PTPN12: variants seen among roughly 807,000 people sequenced by gnomAD.
The protein encoded by PTPN12 is tyrosine-protein phosphatase non-receptor type 12.
A neutral mutation model predicts 97.6 loss-of-function variants in PTPN12; 29 were observed. That is an observed-to-expected ratio of 0.30 (90% CI 0.22 to 0.41). The LOEUF is 0.41. Ranked by LOEUF, PTPN12 falls within the 10% of genes least tolerant of loss-of-function variation. The probability of loss-of-function intolerance (pLI) is 1.00; values close to 1 mark genes in which losing one functional copy is unlikely to be tolerated. For synonymous variants in PTPN12, 327 were observed against 300.4 expected, an observed-to-expected ratio of 1.09 and a Z score of -0.91; for missense variants, 819 against 926.0, an observed-to-expected ratio of 0.88 and a Z score of 1.50.
intron 2 of PTPN12, among the ~76,000 whole-genome samples, chr7:77,580,784 T>G (rs1787489043): frequency 6.6e-6 from 1 of 152,196 alleles, no homozygotes; most frequent in African/African-American, 2.4e-5. Context: ...TTGTTATAAT[T>G]TGCTTTTTAT....
At chr7:77,625,550 T>A (rs1364337809) in intron 12 of PTPN12, among the ~76,000 whole-genome samples, 2 of 93,178 alleles carry the variant, frequency 2.1e-5, no homozygotes, top group South Asian at 3.8e-4. Flanking sequence ...GCGCTCTCTC[T>A]CTCGCTCTCT....
chr7:77,578,583 T>G (rs1787411233), intron 2 of PTPN12, among the ~76,000 whole-genome samples: 1 of 152,206 alleles, frequency 6.6e-6, no homozygotes, highest in South Asian at 2.1e-4. Context: ...GGGCCTTTAG[T>G]GCTATGTATA....
chr7:77,609,612 G>A (rs1379899410), intron 9 of PTPN12, among the ~76,000 whole-genome samples: 2 of 151,808 alleles, frequency 1.3e-5, no homozygotes, highest in East Asian at 2.0e-4. Context: ...TGGGCGCGGT[G>A]GCTCACGCCT....
At chr7:77,586,829 TATTCCATCTCAAGAAAGTAG>T (rs1206196286) in intron 5 of PTPN12, among the ~76,000 whole-genome samples, 1 of 152,244 alleles carries the variant, frequency 6.6e-6, no homozygotes, top group Non-Finnish European at 1.5e-5. Flanking sequence ...ACCAAAAGTA[TATTCCATCTCAAGAAAGTAG>T]ATTCCATCTC....
chr7:77,548,838 CCT>C (rs1420600428), intron 1 of PTPN12, among the ~76,000 whole-genome samples: 1 of 152,158 alleles, frequency 6.6e-6, no homozygotes, highest in Non-Finnish European at 1.5e-5. Flanking sequence ...CTGGGTGACT[CCT>C]CTCTCCATGC....
At chr7:77,540,449 A>G (rs915726107) in intron 1 of PTPN12, among the ~76,000 whole-genome samples, 2 of 151,448 alleles carry the variant, frequency 1.3e-5, no homozygotes, top group African/African-American at 2.4e-5. Flanking sequence ...TATTGGCCAG[A>G]CTGGTCTTGA....
rs370891737 is a variant in PTPN12 at position 77,610,989 on chromosome 7, T to C, written c.882T>C (p.Phe294=). 4.6e-5 allele frequency: 75 copies of C among 1,613,538 alleles called. 1 individual carries two copies. In the South Asian group the frequency reaches 6.8e-4, roughly 15 times the overall value. Residue 294 remains phenylalanine (F), a synonymous_variant, in exon 11 of 18, where the codon TTT becomes TTC. Transcript: ENST00000248594. The part of the protein sequence containing the change: ...ELVHRAIAQL[F]EKQLQLYEIH... Reference sequence around the variant, plus strand: ...TTCATAGAGCTATTGCCCAACTGTTTGAAAAACAGCTACAACTATATGAAA... The same window carrying C: ...TTCATAGAGCTATTGCCCAACTGTTCGAAAAACAGCTACAACTATATGAAA...
Position 77,543,482 on chromosome 7 carries a change from C to A in PTPN12, c.99+5837C>A, listed in dbSNP as rs75513108. 2.8e-3 allele frequency among the ~76,000 whole-genome samples: 421 copies of A among 150,984 alleles called. 5 individuals carry two copies. Among genetic ancestry groups the A allele is most frequent in the African/African-American group, 0.01 (411 of 41,096 alleles). Reference sequence around the variant, plus strand: ...TAAAAATTTTAATCATTTGTTTATTCAGTGTTGTAGCTTATAGGTTTAAAA... The same window carrying A: ...TAAAAATTTTAATCATTTGTTTATTAAGTGTTGTAGCTTATAGGTTTAAAA... On this transcript the variant is annotated intron_variant, in intron 1 of 17. Coordinates refer to ENST00000248594, the MANE Select transcript of PTPN12 (RefSeq NM_002835.4).
chr7:77,621,634 A>AC (rs1788942408), intron 12 of PTPN12, among the ~76,000 whole-genome samples: 1 of 151,822 alleles, frequency 6.6e-6, no homozygotes, highest in African/African-American at 2.4e-5. Flanking sequence ...GCACCACTGG[A>AC]CTCCAGCCTG....
intron 17 of PTPN12, 97 bp downstream of exon 17, chr7:77,638,828 A>G (rs2151416085): frequency 6.9e-7 from 1 of 1,446,324 alleles, no homozygotes; most frequent in African/African-American, 1.5e-5. Flanking sequence ...GCCAAGAATA[A>G]AACATGATTT....
At chr7:77,573,118 T>A (rs1408487103) in intron 2 of PTPN12, among the ~76,000 whole-genome samples, 6 of 115,432 alleles carry the variant, frequency 5.2e-5, no homozygotes, top group South Asian at 3.2e-4. Context: ...AAAAAACCAG[T>A]GTACCTAGCA....
At chr7:77,580,249 T>C (rs118075693) in intron 2 of PTPN12, among the ~76,000 whole-genome samples, 2,792 of 152,316 alleles carry the variant, frequency 0.018, 34 homozygotes, top group Middle Eastern at 0.071. Flanking sequence ...AGATCTGTAG[T>C]CCAGGAGTTT....
intron 6 of PTPN12, among the ~76,000 whole-genome samples, chr7:77,597,128 T>C (rs1375734094): frequency 6.6e-6 from 1 of 152,162 alleles, no homozygotes; most frequent in Non-Finnish European, 1.5e-5. Flanking sequence ...TTTGTTTGTT[T>C]GTTTGTTTGT....
intron 1 of PTPN12, among the ~76,000 whole-genome samples, chr7:77,569,678 C>T (rs189162230): frequency 1.6e-3 from 249 of 152,194 alleles, no homozygotes; most frequent in South Asian, 2.1e-3. Context: ...GGCTGAGGCA[C>T]AAGAATTGCT....
intron 14 of PTPN12, among the ~76,000 whole-genome samples, chr7:77,635,220 C>T (rs931891577): frequency 6.6e-6 from 1 of 152,124 alleles, no homozygotes; most frequent in Admixed American, 6.6e-5. Flanking sequence ...TCCATTTGCC[C>T]TAGGAGTTTG....
chr7:77,625,472 G>GCTCTCGCTCGCTCTCT (rs1554326599), intron 12 of PTPN12, among the ~76,000 whole-genome samples: 2 of 33,522 alleles, frequency 6.0e-5, no homozygotes, highest in Non-Finnish European at 1.0e-4. Flanking sequence ...CAGGCTGCTC[G>GCTCTCGCTCGCTCTCT]CTCTCTCTCT....
intron 1 of PTPN12, among the ~76,000 whole-genome samples, chr7:77,559,049 T>G (rs1184199771): frequency 1.3e-5 from 2 of 152,210 alleles, no homozygotes; most frequent in Non-Finnish European, 2.9e-5. Context: ...TGGTTTATGT[T>G]GAACATCTAC....
chr7:77,558,954 C>G (rs1807861529), intron 1 of PTPN12, among the ~76,000 whole-genome samples: 1 of 152,202 alleles, frequency 6.6e-6, no homozygotes, highest in South Asian at 2.1e-4. Flanking sequence ...TTCAAAGTTG[C>G]AGTGAGCCTT....
chr7:77,637,944 AATTTTT>A (rs1562769191), intron 16 of PTPN12, among the ~76,000 whole-genome samples: 4 of 89,506 alleles, frequency 4.5e-5, no homozygotes, highest in Middle Eastern at 0.013. Context: ...GATTTCTTAA[AATTTTT>A]TTTTTTTTTT....
Sources: gnomAD v4.1 joint callset for allele counts (sites outside exome capture counted in the v4.1 genomes callset) on GRCh38, gnomAD v4.1.1 for gene constraint, MANE v1.5 for transcripts, NCBI Gene and HGNC (gene_info 2026-07-23, HGNC 2026-07-21) for gene names.